Variants in PARVG observed in about 807,000 individuals in gnomAD.
PARVG encodes gamma-parvin.
PARVG carries 36 observed loss-of-function variants against 44.4 expected under a neutral mutation model. The ratio of observed to expected loss-of-function variants is 0.81; its 90% CI spans 0.62 to 1.07. The LOEUF is 1.07. PARVG is among the 50% of genes least tolerant of loss of function. The pLI is 0.00. For synonymous variants in PARVG, 170 were observed against 174.1 expected, an observed-to-expected ratio of 0.98 and a Z score of 0.19; for missense variants, 407 against 407.4, an observed-to-expected ratio of 1.00 and a Z score of 0.01.
At chr22:44,178,909 T>C (rs1426491077), upstream of PARVG, among the ~76,000 whole-genome samples, 2 of 152,258 alleles carry the variant, frequency 1.3e-5, no homozygotes, top group Middle Eastern at 3.2e-3. Flanking sequence ...TACTGTGTTA[T>C]GCAGGAGAAT....
At chr22:44,174,985 G>A (rs550336801) in intron 1 of PARVG, among the ~76,000 whole-genome samples, 2 of 152,098 alleles carry the variant, frequency 1.3e-5, no homozygotes, top group Non-Finnish European at 2.9e-5. Context: ...AGCTGGGCGT[G>A]GTGCCAGGCA....
At chr22:44,191,388 ATTTTTTTTTTTT>A (rs35954868) in intron 7 of PARVG, among the ~76,000 whole-genome samples, 2 of 63,470 alleles carry the variant, frequency 3.2e-5, no homozygotes, top group East Asian at 1.2e-3. Context: ...AGTCATTTCT[ATTTTTTTTTTTT>A]TTTTTTTTTT....
intron 4 of PARVG, chr22:44,187,396 T>C (rs1364834222): frequency 7.3e-6 from 2 of 273,290 alleles, no homozygotes; most frequent in Non-Finnish European, 1.4e-5. Context: ...ATATTTCTAC[T>C]GACCACCTCT....
At chr22:44,176,690 G>A (rs751347514), upstream of PARVG, among the ~76,000 whole-genome samples, 4 of 150,764 alleles carry the variant, frequency 2.7e-5, no homozygotes, top group African/African-American at 4.9e-5. Context: ...TTTCAAACCC[G>A]CAGAAAAGTT....
intron 2 of PARVG, 45 bp from the exon 3 acceptor site, chr22:44,183,273 G>A (rs1262385048): frequency 1.3e-6 from 2 of 1,532,880 alleles, no homozygotes; most frequent in Non-Finnish European, 8.8e-7. Flanking sequence ...CAGTGAGTTT[G>A]GGGCTTCTCA....
rs776494297 is a variant in PARVG, at chr22:44,187,834, TGGA to T, written c.210_212del (p.Glu70del). The T allele has an allele frequency of 6.2e-7, 1 of 1,614,258 alleles. No individual in the cohort carries two copies. Among genetic ancestry groups the T allele is most frequent in the African/African-American group, 1.3e-5 (1 of 75,070 alleles). Reference sequence around the variant, plus strand: ...CCCGAGCACATTGTGGTCCGCAGCCTGGAGGAGGACATGTTCGACGGGCTCATC... The same window carrying T: ...CCCGAGCACATTGTGGTCCGCAGCCTGGAGGACATGTTCGACGGGCTCATC... On this transcript the variant is annotated inframe_deletion, in exon 5 of 14. Coordinates refer to ENST00000444313, the MANE Select transcript of PARVG (RefSeq NM_022141.7).
chr22:44,203,387 A>G (rs2054735747), intron 12 of PARVG, among the ~76,000 whole-genome samples: 1 of 152,214 alleles, frequency 6.6e-6, no homozygotes, highest in Non-Finnish European at 1.5e-5. Context: ...GCGGCCCACC[A>G]ACACATTCAA....
intron 1 of PARVG, among the ~76,000 whole-genome samples, chr22:44,174,406 A>G (rs1460032381): frequency 6.6e-6 from 1 of 152,100 alleles, no homozygotes; most frequent in Admixed American, 6.6e-5. Flanking sequence ...TCTATTATAA[A>G]AATTGGTTTT....
intron 12 of PARVG, among the ~76,000 whole-genome samples, chr22:44,200,791 C>G (rs1411531895): frequency 6.6e-6 from 1 of 152,184 alleles, no homozygotes; most frequent in Non-Finnish European, 1.5e-5. Flanking sequence ...GATCAGGCCT[C>G]TTGGCCTATC....
chr22:44,190,684 A>G lies in PARVG; in HGVS notation c.504+18A>G, dbSNP rs1281226183. The G allele has an allele frequency of 6.3e-7, 1 of 1,586,540 alleles. No individual in the cohort carries two copies. The highest frequency in any genetic ancestry group is 8.7e-7 in the Non-Finnish European group (1 of 1,154,804). On this transcript the variant is annotated intron_variant, in intron 7 of 13. Transcript: ENST00000444313. ...CTATCGAGGTAGCAGCCTGGGCCCCAGGGATTTGTAAGCAGAAGCTGAGCC... is the reference window on the plus strand; with the variant it reads ...CTATCGAGGTAGCAGCCTGGGCCCCGGGGATTTGTAAGCAGAAGCTGAGCC...
upstream of PARVG, among the ~76,000 whole-genome samples, chr22:44,176,260 G>C (rs956890193): frequency 6.6e-6 from 1 of 152,132 alleles, no homozygotes; most frequent in African/African-American, 2.4e-5. Flanking sequence ...TATAACCTAC[G>C]CACATCCTCC....
intron 7 of PARVG, among the ~76,000 whole-genome samples, 174 bp downstream of exon 7, chr22:44,190,840 G>A (rs983287087): frequency 6.6e-6 from 1 of 152,208 alleles, no homozygotes; most frequent in Non-Finnish European, 1.5e-5. Flanking sequence ...CTGGAGCTGG[G>A]GACGGGCTGG....
At chr22:44,192,944 A>G (rs1467322075) in intron 8 of PARVG, among the ~76,000 whole-genome samples, 1 of 152,112 alleles carries the variant, frequency 6.6e-6, no homozygotes, top group Non-Finnish European at 1.5e-5. Flanking sequence ...GCGCTAACTC[A>G]CGATCTCTCA....
rs1302381783 is a variant in PARVG at position 44,183,372 on chromosome 22, G to C, written c.43G>C (p.Gly15Arg). The change falls in exon 3 of 14, where the codon GGG (glycine) becomes CGG (arginine). Residue 15 changes from glycine (G) to arginine (R), a missense_variant. Transcript: ENST00000444313. ...GTACGACCTGCTGCAGCTCCCCAAG[G>C]GGGTGGAGCCCCCAGCGGAGGAGGA... ...FLYDLLQLPK[G>R]VEPPAEEELS... is the part of the protein sequence containing the mutation. 2.5e-6 allele frequency: 4 copies of C among 1,609,906 alleles called. No homozygotes were observed. The highest frequency in any genetic ancestry group is 2.2e-5 in the South Asian group (2 of 89,928).
Position 44,189,202 on chromosome 22 carries a change from C to A in PARVG, c.336C>A (p.Ala112=), listed in dbSNP as rs770953019. ...QKHKLTVVLE[A]VNRSLQLEEW... ...ACAAGCTCACAGTGGTGCTGGAGGCCGTGAACCGGAGTCTGCAGCTGGAGG... is the reference window on the plus strand; with the variant it reads ...ACAAGCTCACAGTGGTGCTGGAGGCAGTGAACCGGAGTCTGCAGCTGGAGG... The change falls in exon 6 of 14, where the codon GCC becomes GCA. Residue 112 remains alanine (A), a synonymous_variant. Transcript: ENST00000444313. The A allele has an allele frequency of 1.9e-6, 3 of 1,614,212 alleles. No homozygotes were observed. In the Admixed American group the frequency reaches 5.0e-5, roughly 27 times the overall value.
intron 11 of PARVG, among the ~76,000 whole-genome samples, chr22:44,196,955 T>G (rs1025831964): frequency 2.0e-5 from 3 of 152,140 alleles, no homozygotes; most frequent in African/African-American, 7.2e-5. Flanking sequence ...CTTTCCACAG[T>G]GAAGCTGTGT....
At position 44,180,976 on chromosome 22, in the gene PARVG, G is replaced by C. The variant is rs1030806667; in HGVS notation, c.-398G>C. ...AGTGTTTCTCTATCTACTGTGCTGA[G>C]ATCTCTCCTTCTCGAACCCTGCTAT... On this transcript the variant is annotated 5_prime_UTR_variant, in exon 1 of 14. Coordinates refer to ENST00000444313, the MANE Select transcript of PARVG (RefSeq NM_022141.7). 1.0e-6 allele frequency: 1 copy of C among 985,254 alleles called. No individual in the cohort carries two copies. Among genetic ancestry groups the C allele is most frequent in the Non-Finnish European group, 1.2e-6 (1 of 829,924 alleles). 61.0% of individuals were successfully genotyped at this position (985,254 alleles called of 1,614,324 possible).
At chr22:44,197,367 G>C (rs1395492097) in intron 11 of PARVG, among the ~76,000 whole-genome samples, 1 of 152,210 alleles carries the variant, frequency 6.6e-6, no homozygotes, top group South Asian at 2.1e-4. Context: ...AGTGGGAACT[G>C]TACTACCCCA....
chr22:44,206,169 G>A, intron 13 of PARVG, 148 bp from the exon 14 acceptor site: 1 of 660,460 alleles, frequency 1.5e-6, no homozygotes, highest in Non-Finnish European at 2.6e-6. Flanking sequence ...CGGGACCCAG[G>A]CCTGGAGTGA....
Sources: allele counts gnomAD v4.1 joint callset (sites outside exome capture counted in the v4.1 genomes callset), GRCh38; gene constraint gnomAD v4.1.1; transcripts MANE v1.5; gene names NCBI Gene and HGNC (gene_info 2026-07-23, HGNC 2026-07-21).